Variants in FMNL1 observed in about 807,000 individuals in gnomAD.
FMNL1 encodes formin like 1.
Under a neutral mutation model 121.3 loss-of-function variants are expected in FMNL1, and 43 were observed. The ratio of observed to expected loss-of-function variants is 0.35; its 90% CI spans 0.28 to 0.46. The LOEUF (loss-of-function observed/expected upper bound fraction) is 0.46, where lower values mean the gene tolerates loss of function less well. Ranked by LOEUF, FMNL1 falls within the 20% of genes least tolerant of loss-of-function variation. The pLI is 1.00. For synonymous variants in FMNL1, 613 were observed against 613.5 expected (o/e 1.00, Z 0.01); for missense variants, 1,191 against 1,482.4 (o/e 0.80, Z 3.23).
At position 45,242,022 on chromosome 17, in the gene FMNL1, A is replaced by G. The variant is rs1162538752; in HGVS notation, c.1761A>G (p.Pro587=). ...CGCTGCCCGGAGACCTGCCGCCCCC[A>G]CCCCCGCCACCGCCACCACCTCCGG... ...APPLPGDLPP[P]PPPPPPPPGT... Residue 587 remains proline, a synonymous_variant, in exon 15 of 27, where the codon CCA becomes CCG. Coordinates refer to ENST00000331495, the MANE Select transcript of FMNL1 (RefSeq NM_005892.4). 6 of 886,866 alleles carry G rather than the reference A, an allele frequency of 6.8e-6. No homozygotes were observed. The highest frequency in any genetic ancestry group is 5.9e-5 in the Admixed American group (1 of 17,000). 54.9% of individuals were successfully genotyped at this position (886,866 alleles called of 1,614,324 possible). A position where few individuals can be genotyped will look rare whatever the true frequency, so the allele number is the denominator to read the frequency against.
chr17:45,226,151 G>T (rs999521156), intron 1 of FMNL1, among the ~76,000 whole-genome samples: 64 of 152,194 alleles, frequency 4.2e-4, no homozygotes, highest in African/African-American at 1.5e-3. Flanking sequence ...CGTTATGCAG[G>T]TCACCAGCAG....
chr17:45,234,327 T>G (rs759591900), intron 6 of FMNL1, 127 bp downstream of exon 6: 2 of 1,496,854 alleles, frequency 1.3e-6, no homozygotes, highest in South Asian at 2.3e-5. Flanking sequence ...GGGGTCCGAG[T>G]AAGGGACTCA....
Position 45,240,984 on chromosome 17 carries a change from A to G in FMNL1, c.1231-145A>G. The G allele has an allele frequency of 3.0e-6, 3 of 992,676 alleles. No homozygotes were observed. The South Asian group carries it at 4.4e-5, about 15-fold the overall frequency. 61.5% of individuals were successfully genotyped at this position (992,676 alleles called of 1,614,324 possible). ...CCTTATTTGCTTGGGTTCGAGTGCC[A>G]GGCTCGGCCCACCCTTGGCACCTGG... On this transcript the variant is annotated intron_variant, in intron 12 of 26. Transcript: ENST00000331495.
chr17:45,237,816 T>C lies in FMNL1; in HGVS notation c.894+177T>C, dbSNP rs2143462478. On this transcript the variant is annotated intron_variant, in intron 9 of 26. Transcript: ENST00000331495. This position sits in a 1 kb window ranked among gnomAD's most constrained non-coding sequence, Gnocchi z 4.4. ...GCTCAGCAATCTGGGATGGGGAAGT[T>C]CTGAATGGAAGGTACAGGGTCAGGT... 6.6e-6 allele frequency among the ~76,000 whole-genome samples: 1 copy of C among 152,214 alleles called. No homozygotes were observed. Among genetic ancestry groups the C allele is most frequent in the South Asian group, 2.1e-4 (1 of 4,816 alleles).
chr17:45,246,673 C>T, intron 26 of FMNL1, 69 bp downstream of exon 26: 1 of 1,463,940 alleles, frequency 6.8e-7, no homozygotes, highest in Non-Finnish European at 9.3e-7. Flanking sequence ...AGAACTGAGG[C>T]ATGCTGCCTT....
In FMNL1 at chr17:45,230,702, T is replaced by C. The variant is rs750380771; in HGVS notation, c.213+15T>C. The C allele has an allele frequency of 6.2e-7, 1 of 1,612,552 alleles. No individual in the cohort carries two copies. The highest frequency in any genetic ancestry group is 8.5e-7 in the Non-Finnish European group (1 of 1,179,054). On this transcript the variant is annotated intron_variant, in intron 2 of 26. Transcript: ENST00000331495. ...TCTGTGATCAGGTAGGTGCCAGCACTGCCCAGCCACCCCTTCCCTCCCACT... is the reference window on the plus strand; with the variant it reads ...TCTGTGATCAGGTAGGTGCCAGCACCGCCCAGCCACCCCTTCCCTCCCACT...
At position 45,245,956 on chromosome 17, in the gene FMNL1, G is replaced by C. The variant is rs757090305; in HGVS notation, c.3073G>C (p.Glu1025Gln). The C allele has an allele frequency of 4.4e-5, 70 of 1,573,856 alleles. No homozygotes were observed. Among genetic ancestry groups the C allele is most frequent in the South Asian group, 2.9e-4 (25 of 86,062 alleles). Reference protein sequence around the residue: ...EAGADTPGKGEPPAPKSPPKA... With the variant: ...EAGADTPGKGQPPAPKSPPKA... ...AGGCGCTGATACCCCGGGCAAAGGG[G>C]AGCCCCCAGCACCCAAGGTAGGCAA... The change falls in exon 24 of 27, where the codon GAG (glutamate) becomes CAG (glutamine). Residue 1025 changes from glutamate (E) to glutamine (Q), a missense_variant. By Grantham distance (29) the Glu-to-Gln change is conservative. Around this residue, in one of 4 missense-constraint regions of FMNL1, gnomAD observed 367 missense variants for 528.6 expected, o/e 0.69. Transcript: ENST00000331495.
At chr17:45,245,446 G>A (rs781225304) in intron 22 of FMNL1, 30 bp downstream of exon 22, 1 of 1,613,812 alleles carries the variant, frequency 6.2e-7, no homozygotes, top group East Asian at 2.2e-5. Context: ...ACCTGGAGGT[G>A]GGGCATGTAG....
At chr17:45,227,791 C>T (rs1311800899) in intron 1 of FMNL1, among the ~76,000 whole-genome samples, 7 of 152,156 alleles carry the variant, frequency 4.6e-5, no homozygotes, top group East Asian at 3.9e-4. Flanking sequence ...CCAGGAGCTC[C>T]GTGAGTGTGA....
intron 6 of FMNL1, among the ~76,000 whole-genome samples, chr17:45,235,496 G>A (rs975590423): frequency 6.6e-6 from 1 of 152,186 alleles, no homozygotes; most frequent in Non-Finnish European, 1.5e-5. Context: ...GGGCCTCCTG[G>A]TATTACTGGG....
In FMNL1 at chr17:45,229,681, G is replaced by A. The variant is rs75955671; in HGVS notation, c.130-923G>A. ...CAAGCCAAGTCTGGGGGTCCAGAAAGCCCCTGGTGCTATTGACACCTGGTT... is the reference window on the plus strand; with the variant it reads ...CAAGCCAAGTCTGGGGGTCCAGAAAACCCCTGGTGCTATTGACACCTGGTT... On this transcript the variant is annotated intron_variant, in intron 1 of 26. Transcript: ENST00000331495. Among the ~76,000 whole-genome samples, 169 of 152,310 alleles carry A rather than the reference G, an allele frequency of 1.1e-3. 1 individual carries two copies. Among genetic ancestry groups the A allele is most frequent in the African/African-American group, 3.9e-3 (162 of 41,560 alleles).
chr17:45,241,877 G>T lies in FMNL1; in HGVS notation c.1616G>T (p.Gly539Val). 7.0e-7 allele frequency: 1 copy of T among 1,435,288 alleles called. No homozygotes were observed. The highest frequency in any genetic ancestry group is 1.4e-5 in the South Asian group (1 of 70,688). 88.9% of individuals were successfully genotyped at this position (1,435,288 alleles called of 1,614,324 possible). ...GCACCTGCAGCAGAGCCGGCTCCCGGAGCAGCGCCACCGCCGCCGCCCCCA... is the reference window on the plus strand; with the variant it reads ...GCACCTGCAGCAGAGCCGGCTCCCGTAGCAGCGCCACCGCCGCCGCCCCCA... ...DLAPAAEPAP[G>V]AAPPPPPPLP... Residue 539 changes from glycine (G) to valine (V), a missense_variant, in exon 15 of 27, where the codon GGA becomes GTA. By Grantham distance (109) the Gly-to-Val change is moderately radical. Around this residue, in one of 4 missense-constraint regions of FMNL1, gnomAD observed 519 missense variants for 492.8 expected, o/e 1.05. Transcript: ENST00000331495. This position sits in a 1 kb window ranked among gnomAD's most constrained non-coding sequence, Gnocchi z 7.0.
rs1217179092 is a variant in FMNL1 at position 45,246,907 on chromosome 17, C to T, written c.*49C>T. ...CCTACATCCGCGCAGACACAGGCCG[C>T]CGCAGTGCCCGTCGGCGTCCCCCGG... is the stretch of plus-strand genomic sequence containing the variant. On this transcript the variant is annotated 3_prime_UTR_variant, in exon 27 of 27. Coordinates refer to ENST00000331495, the MANE Select transcript of FMNL1 (RefSeq NM_005892.4). The T allele has an allele frequency of 1.3e-6, 1 of 757,648 alleles. No individual in the cohort carries two copies. The highest frequency in any genetic ancestry group is 2.4e-6 in the Non-Finnish European group (1 of 415,172). 46.9% of individuals were successfully genotyped at this position (757,648 alleles called of 1,614,324 possible).
rs953702258 is a variant in FMNL1, at chr17:45,237,010, T to C, written c.724-271T>C. Among the ~76,000 whole-genome samples, 2 of 151,778 alleles carry C rather than the reference T, an allele frequency of 1.3e-5. No individual in the cohort carries two copies. Among genetic ancestry groups the C allele is most frequent in the African/African-American group, 4.8e-5 (2 of 41,310 alleles). ...GCAGGTGCCTGTAATCCCAGCTACA[T>C]GGGAAGCTGAGTCAGGAGAATCACT... is the stretch of plus-strand genomic sequence containing the variant. On this transcript the variant is annotated intron_variant, in intron 7 of 26. Coordinates refer to ENST00000331495, the MANE Select transcript of FMNL1 (RefSeq NM_005892.4). This position sits in a 1 kb window ranked among gnomAD's most constrained non-coding sequence, Gnocchi z 4.4.
Position 45,230,731 on chromosome 17 carries a change from A to G in FMNL1, c.213+44A>G, listed in dbSNP as rs752225492. 2.5e-6 allele frequency: 4 copies of G among 1,600,390 alleles called. No homozygotes were observed. The Admixed American group carries it at 6.7e-5, about 27-fold the overall frequency. ...CAGCCACCCCTTCCCTCCCACTGTC[A>G]GTACCCCACCCTGACCAGGCTGGGG... On this transcript the variant is annotated intron_variant, in intron 2 of 26. Transcript: ENST00000331495.
chr17:45,246,474 A>C (rs1598216516), intron 25 of FMNL1, 31 bp from the exon 26 acceptor site: 1 of 1,610,004 alleles, frequency 6.2e-7, no homozygotes, highest in African/African-American at 1.4e-5. Context: ...TCCTTTCTCT[A>C]CTCCCCTTCA....
Position 45,245,731 on chromosome 17 carries a change from A to C in FMNL1, c.2992A>C (p.Lys998Gln). The stretch of plus-strand genomic sequence containing the variant: ...CTTTAGCCGCTTCATTAAGGCCTAC[A>C]AGGTATTCGGGTCTGGGGCAGGCTG... ...SLFSRFIKAY[K>Q]KAEQEVEQWK... Residue 998 changes from lysine to glutamine, a missense_variant and splice_region_variant, in exon 23 of 27, where the codon AAG (lysine) becomes CAG (glutamine). Lys to Gln is a moderately conservative substitution (Grantham distance 53). Coordinates refer to ENST00000331495, the MANE Select transcript of FMNL1 (RefSeq NM_005892.4). 1 of 1,613,946 alleles carries C rather than the reference A, an allele frequency of 6.2e-7. No homozygotes were observed. Among genetic ancestry groups the C allele is most frequent in the Non-Finnish European group, 8.5e-7 (1 of 1,179,922 alleles).
Position 45,242,067 on chromosome 17 carries a change from TCCGCCG to T in FMNL1, c.1827_1832del (p.Pro611_Pro612del), listed in dbSNP as rs372669041. The T allele has an allele frequency of 3.8e-3, 5,547 of 1,460,250 alleles. 29 individuals carry two copies. The highest frequency in any genetic ancestry group is 0.03 in the East Asian group (1,052 of 35,168). The allele number at this position is 1,460,250 out of a possible 1,614,324, so 90.5% of individuals were successfully genotyped here. A position where few individuals can be genotyped will look rare whatever the true frequency, so the allele number is the denominator to read the frequency against. On this transcript the variant is annotated inframe_deletion, in exon 15 of 27. Transcript: ENST00000331495. Reference sequence around the variant, plus strand: ...CTCCGGGCACTGACGGGCCGGTGCCTCCGCCGCCGCCGCCGCCGCCGCCGCCTCCCG... The same window carrying T: ...CTCCGGGCACTGACGGGCCGGTGCCTCCGCCGCCGCCGCCGCCGCCTCCCG...
At position 45,231,082 on chromosome 17, in the gene FMNL1, G is replaced by A. The variant is rs2043427054; in HGVS notation, c.213+395G>A. On this transcript the variant is annotated intron_variant, in intron 2 of 26. Transcript: ENST00000331495. The surrounding 1 kb of genome is among the most constrained non-coding windows in gnomAD (Gnocchi z 4.7). ...GACCCCATGGGAGGGAGGGAGGAAG[G>A]GGCGGGAATTCCTGCCCTTTTGCCT... 6.6e-6 allele frequency among the ~76,000 whole-genome samples: 1 copy of A among 152,174 alleles called. No homozygotes were observed. Among genetic ancestry groups the A allele is most frequent in the African/African-American group, 2.4e-5 (1 of 41,438 alleles).
Sources: allele counts gnomAD v4.1 joint callset (sites outside exome capture counted in the v4.1 genomes callset), GRCh38; gene constraint gnomAD v4.1.1; regional missense constraint gnomAD v4.1.1; non-coding constraint Gnocchi (gnomAD v3.1); transcripts MANE v1.5; gene names NCBI Gene and HGNC (gene_info 2026-07-23, HGNC 2026-07-21).